The following CNTN4 variants were observed in gnomAD, a reference collection of about 807,000 sequenced individuals.
The protein encoded by CNTN4 is contactin 4, also known as contactin-4.
In CNTN4, 77 loss-of-function variants were observed where a neutral mutation model predicts 122.5. The ratio of observed to expected loss-of-function variants is 0.63; its 90% CI spans 0.52 to 0.76. The LOEUF (loss-of-function observed/expected upper bound fraction) is 0.76. Ranked by LOEUF, CNTN4 falls within the 30% of genes least tolerant of loss-of-function variation. CNTN4 has a pLI of 0.00. For synonymous variants in CNTN4, 512 were observed against 447.0 expected (o/e 1.15, Z -1.83); for missense variants, 1,256 against 1,259.1 (o/e 1.00, Z 0.04).
rs575285569 is a variant in CNTN4 at position 2,633,824 on chromosome 3, G to A, written c.55+62266G>A. ...TTAAGAAGGAGAAAAAGGAAGAAAA[G>A]CATTTGCTCGTCACTTGTCAGGAAA... On this transcript the variant is annotated intron_variant, in intron 4 of 24. Coordinates refer to ENST00000418658, the MANE Select transcript of CNTN4 (RefSeq NM_175607.3). Among the ~76,000 whole-genome samples the A allele has an allele frequency of 2.0e-5, 3 of 152,166 alleles. 1 individual carries two copies. The highest frequency in any genetic ancestry group is 1.3e-4 in the Admixed American group (2 of 15,270).
At chr3:2,806,354 ATCT>A (rs2092468371) in intron 6 of CNTN4, among the ~76,000 whole-genome samples, 1 of 152,198 alleles carries the variant, frequency 6.6e-6, no homozygotes, top group East Asian at 1.9e-4. Context: ...TGTTGGATTC[ATCT>A]TCACATTCCT....
At chr3:2,120,489 G>T (rs748655359) in intron 2 of CNTN4, among the ~76,000 whole-genome samples, 2 of 146,924 alleles carry the variant, frequency 1.4e-5, no homozygotes, top group African/African-American at 5.1e-5. Flanking sequence ...CTGCGAGCTC[G>T]CTTCCTGGGA....
At chr3:2,297,280 T>G (rs1418852825) in intron 2 of CNTN4, among the ~76,000 whole-genome samples, 1 of 152,130 alleles carries the variant, frequency 6.6e-6, no homozygotes, top group Non-Finnish European at 1.5e-5. Flanking sequence ...CAGGACAGAT[T>G]TGGTTTTAGT....
chr3:2,676,039 T>G (rs1244283075), intron 4 of CNTN4, among the ~76,000 whole-genome samples: 1 of 152,204 alleles, frequency 6.6e-6, no homozygotes, highest in Non-Finnish European at 1.5e-5. Context: ...CTTTTCAGAT[T>G]GTATAAATCT....
chr3:2,455,637 G>A (rs1032027595), intron 3 of CNTN4, among the ~76,000 whole-genome samples: 2 of 152,022 alleles, frequency 1.3e-5, no homozygotes, highest in African/African-American at 4.8e-5. Flanking sequence ...GAGGAAGGGC[G>A]CCTCCAAAAA....
chr3:3,006,042 C>T (rs951626933), intron 14 of CNTN4, among the ~76,000 whole-genome samples: 15 of 151,926 alleles, frequency 9.9e-5, no homozygotes, highest in South Asian at 2.1e-4. Context: ...CCCACCCCCA[C>T]GCTCGGCTAA....
chr3:2,692,098 T>A (rs2085770810), intron 4 of CNTN4, among the ~76,000 whole-genome samples: 1 of 77,048 alleles, frequency 1.3e-5, no homozygotes, highest in Non-Finnish European at 2.8e-5. Context: ...TCTCAGATTC[T>A]TAAACTTAAG....
At chr3:2,216,723 T>C (rs996530214) in intron 2 of CNTN4, among the ~76,000 whole-genome samples, 1 of 152,098 alleles carries the variant, frequency 6.6e-6, no homozygotes, top group African/African-American at 2.4e-5. Context: ...TTTTTAAACC[T>C]AAAAAAAGGA....
At chr3:2,645,551 T>A (rs1049679120) in intron 4 of CNTN4, among the ~76,000 whole-genome samples, 4 of 152,240 alleles carry the variant, frequency 2.6e-5, no homozygotes, top group Non-Finnish European at 4.4e-5. Context: ...TTTAATTTGC[T>A]AGGGTTGAAT....
intron 2 of CNTN4, among the ~76,000 whole-genome samples, chr3:2,211,278 G>A (rs1279786683): frequency 1.3e-5 from 2 of 152,034 alleles, no homozygotes; most frequent in Non-Finnish European, 2.9e-5. Context: ...AAGCCATGAG[G>A]GATCCACCCC....
chr3:2,155,810 C>T, intron 2 of CNTN4, among the ~76,000 whole-genome samples: 1 of 152,162 alleles, frequency 6.6e-6, no homozygotes, highest in East Asian at 1.9e-4. Flanking sequence ...CGTGAAATAC[C>T]TCCAAATGAT....
At chr3:2,170,355 A>G (rs2036446937) in intron 2 of CNTN4, among the ~76,000 whole-genome samples, 1 of 152,144 alleles carries the variant, frequency 6.6e-6, no homozygotes, top group Non-Finnish European at 1.5e-5. Context: ...AAGAGGAATA[A>G]TATTATATTC....
In CNTN4 at chr3:2,854,926, G is replaced by T. The variant is rs112710038; in HGVS notation, c.455-11826G>T. On this transcript the variant is annotated intron_variant, in intron 7 of 24. Coordinates refer to ENST00000418658, the MANE Select transcript of CNTN4 (RefSeq NM_175607.3). ...ACAGAAATTGCTTAGCTTAAAGTAA[G>T]AAGACAGATTTTGATTATGCTGTGA... Among the ~76,000 whole-genome samples the T allele has an allele frequency of 5.7e-3, 873 of 152,176 alleles. 4 individuals are homozygous for T. The highest frequency in any genetic ancestry group is 0.02 in the African/African-American group (834 of 41,524).
At chr3:2,944,049 C>T (rs535669890) in intron 13 of CNTN4, among the ~76,000 whole-genome samples, 2 of 152,024 alleles carry the variant, frequency 1.3e-5, no homozygotes, top group Admixed American at 6.5e-5. Flanking sequence ...AAATAAAAAT[C>T]CATTGATGAA....
chr3:2,292,362 C>A (rs1401147507), intron 2 of CNTN4, among the ~76,000 whole-genome samples: 2 of 152,272 alleles, frequency 1.3e-5, no homozygotes, highest in East Asian at 1.9e-4. Context: ...GTATTAGGTA[C>A]CCCACTGATA....
chr3:2,670,519 C>G (rs1336064576), intron 4 of CNTN4, among the ~76,000 whole-genome samples: 1 of 151,902 alleles, frequency 6.6e-6, no homozygotes, highest in Admixed American at 6.6e-5. Context: ...CTAAATATAG[C>G]ACACTGATGG....
At chr3:2,108,166 T>C (rs1180184660) in intron 2 of CNTN4, among the ~76,000 whole-genome samples, 1 of 52,508 alleles carries the variant, frequency 1.9e-5, no homozygotes, top group Non-Finnish European at 4.6e-5. Flanking sequence ...GTGCCTTTTC[T>C]TTTTTTTTTT....
intron 4 of CNTN4, among the ~76,000 whole-genome samples, chr3:2,588,835 A>G (rs925160674): frequency 6.6e-6 from 1 of 150,868 alleles, no homozygotes; most frequent in Non-Finnish European, 1.5e-5. Context: ...CCAATGTAAT[A>G]ATATATTCTG....
intron 2 of CNTN4, among the ~76,000 whole-genome samples, chr3:2,202,767 C>T (rs2038157524): frequency 6.6e-6 from 1 of 151,834 alleles, no homozygotes; most frequent in Non-Finnish European, 1.5e-5. Context: ...TTGCTGTTTC[C>T]CTATTATTAG....
Sources: allele counts gnomAD v4.1 joint callset (sites outside exome capture counted in the v4.1 genomes callset), GRCh38; gene constraint gnomAD v4.1.1; transcripts MANE v1.5; gene names NCBI Gene and HGNC (gene_info 2026-07-23, HGNC 2026-07-21).